The following SNTG1 variants were observed in gnomAD, a reference collection of about 807,000 sequenced individuals.
SNTG1 encodes the protein gamma-1-syntrophin.
A neutral mutation model predicts 74.7 loss-of-function variants in SNTG1; 39 were observed. The observed-to-expected ratio is 0.52, with a 90% CI of 0.40 to 0.68. The LOEUF (loss-of-function observed/expected upper bound fraction) is 0.68, where lower values mean the gene tolerates loss of function less well. SNTG1 is among the 30% of genes least tolerant of loss of function. SNTG1 has a pLI of 0.00. For missense variants in SNTG1, 685 were observed against 609.5 expected (o/e 1.12, Z -1.30); for synonymous variants, 254 against 217.1 (o/e 1.17, Z -1.49).
chr8:50,693,066 A>T (rs567374832), intron 15 of SNTG1, among the ~76,000 whole-genome samples: 62 of 152,262 alleles, frequency 4.1e-4, no homozygotes, highest in African/African-American at 1.4e-3. Flanking sequence ...TGCAGGATAT[A>T]ATCTCCTGAT....
At chr8:50,235,817 TTTC>T (rs974047027) in intron 2 of SNTG1, among the ~76,000 whole-genome samples, 7 of 152,128 alleles carry the variant, frequency 4.6e-5, no homozygotes, top group Non-Finnish European at 1.0e-4. Flanking sequence ...GTACTTCGGT[TTTC>T]TTATTTTCCT....
intron 17 of SNTG1, among the ~76,000 whole-genome samples, chr8:50,740,113 T>C (rs1048253490): frequency 1.3e-5 from 2 of 151,734 alleles, no homozygotes; most frequent in Admixed American, 6.6e-5. Flanking sequence ...AAAGCAAAGA[T>C]TGGAAAATGG....
chr8:50,060,639 C>T (rs1820391300), intron 1 of SNTG1, among the ~76,000 whole-genome samples: 1 of 152,014 alleles, frequency 6.6e-6, no homozygotes, highest in Non-Finnish European at 1.5e-5. Context: ...CTCCCTGCCT[C>T]TGATCTTAGG....
chr8:49,947,765 A>T (rs1394978980), intron 1 of SNTG1, among the ~76,000 whole-genome samples: 2 of 152,152 alleles, frequency 1.3e-5, no homozygotes, highest in South Asian at 2.1e-4. Context: ...TTTATAGGAA[A>T]ATGCTCAAAG....
intron 15 of SNTG1, among the ~76,000 whole-genome samples, chr8:50,699,511 G>C (rs1022969462): frequency 6.7e-6 from 1 of 150,134 alleles, no homozygotes; most frequent in South Asian, 2.1e-4. Context: ...CAGCCATCTT[G>C]AAAAAAAAAC....
At chr8:49,984,151 C>T (rs567424717) in intron 1 of SNTG1, among the ~76,000 whole-genome samples, 1 of 152,024 alleles carries the variant, frequency 6.6e-6, no homozygotes, top group East Asian at 1.9e-4. Flanking sequence ...TATTTCTAAA[C>T]AATATATTTC....
intron 1 of SNTG1, among the ~76,000 whole-genome samples, chr8:50,068,916 T>A (rs1821120646): frequency 6.6e-6 from 1 of 152,208 alleles, no homozygotes; most frequent in South Asian, 2.1e-4. Flanking sequence ...ACATTATTTT[T>A]AAATTGCAGG....
Position 50,230,370 on chromosome 8 carries a change from C to T in SNTG1, c.-28+57735C>T, listed in dbSNP as rs939710466. ...ACCAATATTACTATGAAAGAAGGGACGTCACTACAGACCCTGGAAAAACCA... is the reference window on the plus strand; with the variant it reads ...ACCAATATTACTATGAAAGAAGGGATGTCACTACAGACCCTGGAAAAACCA... On this transcript the variant is annotated intron_variant, in intron 2 of 18. Coordinates refer to ENST00000642720, the MANE Select transcript of SNTG1 (RefSeq NM_018967.5). Among the ~76,000 whole-genome samples, 6 of 151,076 alleles carry T rather than the reference C, an allele frequency of 4.0e-5. No homozygotes were observed. The East Asian group carries it at 7.7e-4, about 19-fold the overall frequency.
chr8:49,953,772 G>A (rs1408497221), intron 1 of SNTG1, among the ~76,000 whole-genome samples: 1 of 152,114 alleles, frequency 6.6e-6, no homozygotes, highest in Non-Finnish European at 1.5e-5. Flanking sequence ...AGTAAAGGAA[G>A]ACACATCCTG....
At chr8:50,292,326 G>C (rs1421338293) in intron 2 of SNTG1, among the ~76,000 whole-genome samples, 1 of 152,084 alleles carries the variant, frequency 6.6e-6, no homozygotes, top group Non-Finnish European at 1.5e-5. Flanking sequence ...TGGAAAGAAT[G>C]AAGGGTGTAA....
intron 1 of SNTG1, among the ~76,000 whole-genome samples, chr8:49,930,742 G>A (rs969524410): frequency 5.9e-5 from 9 of 151,958 alleles, no homozygotes; most frequent in African/African-American, 2.2e-4. Flanking sequence ...CATTTTAATT[G>A]TTAGAAAGGA....
intron 13 of SNTG1, among the ~76,000 whole-genome samples, chr8:50,629,990 T>G (rs1443856468): frequency 6.6e-6 from 1 of 152,228 alleles, no homozygotes; most frequent in Non-Finnish European, 1.5e-5. Flanking sequence ...TTGATGTTTT[T>G]GTTCAATAGG....
At chr8:50,553,819 A>C (rs1278126888) in intron 12 of SNTG1, among the ~76,000 whole-genome samples, 1 of 152,200 alleles carries the variant, frequency 6.6e-6, no homozygotes, top group Admixed American at 6.5e-5. Context: ...AGTCTAACAA[A>C]ATATACAAAA....
At chr8:50,413,693 A>T (rs924054911) in intron 4 of SNTG1, among the ~76,000 whole-genome samples, 1 of 152,138 alleles carries the variant, frequency 6.6e-6, no homozygotes, top group Non-Finnish European at 1.5e-5. Context: ...TCCTTCAGTA[A>T]CATTTGGATG....
chr8:50,687,778 G>A (rs1380107863), intron 15 of SNTG1, among the ~76,000 whole-genome samples: 1 of 151,938 alleles, frequency 6.6e-6, no homozygotes, highest in African/African-American at 2.4e-5. Context: ...GTGTCCATGT[G>A]TTCTCATTGT....
intron 8 of SNTG1, among the ~76,000 whole-genome samples, chr8:50,501,677 C>T (rs1397779884): frequency 1.3e-5 from 2 of 149,274 alleles, no homozygotes; most frequent in Admixed American, 6.7e-5. Flanking sequence ...AGGCTGGTCT[C>T]GAACTCCAGA....
At chr8:50,777,065 T>C (rs1412765497) in intron 18 of SNTG1, among the ~76,000 whole-genome samples, 2 of 151,768 alleles carry the variant, frequency 1.3e-5, no homozygotes, top group African/African-American at 4.8e-5. Flanking sequence ...AAGGATTTCT[T>C]TGAGTTTATC....
chr8:50,617,055 C>G (rs1257053418), intron 13 of SNTG1, among the ~76,000 whole-genome samples: 2 of 152,160 alleles, frequency 1.3e-5, no homozygotes, highest in African/African-American at 2.4e-5. Context: ...CCCTAAGCTA[C>G]ATTTTTCCAG....
At chr8:50,088,330 T>G (rs1823112095) in intron 1 of SNTG1, among the ~76,000 whole-genome samples, 1 of 142,464 alleles carries the variant, frequency 7.0e-6, no homozygotes, top group African/African-American at 2.6e-5. Flanking sequence ...AAGCATTCCC[T>G]TTGAAAACTG....
Sources: gnomAD v4.1 joint callset for allele counts (sites outside exome capture counted in the v4.1 genomes callset) on GRCh38, gnomAD v4.1.1 for gene constraint, MANE v1.5 for transcripts, NCBI Gene and HGNC (gene_info 2026-07-23, HGNC 2026-07-21) for gene names.